PTPRD: variants seen among roughly 807,000 people sequenced by gnomAD.
PTPRD encodes the protein receptor-type tyrosine-protein phosphatase delta.
Under a neutral mutation model 214.5 loss-of-function variants are expected in PTPRD, and 34 were observed. The ratio of observed to expected loss-of-function variants is 0.16; its 90% CI spans 0.12 to 0.21. The LOEUF is 0.21. PTPRD is among the 10% of genes least tolerant of loss of function. The pLI is 1.00. For synonymous variants in PTPRD, 1,128 were observed against 845.7 expected, an observed-to-expected ratio of 1.33 and a Z score of -5.79; for missense variants, 2,545 against 2,398.7, an observed-to-expected ratio of 1.06 and a Z score of -1.27.
intron 32 of PTPRD, among the ~76,000 whole-genome samples, chr9:8,463,105 T>G (rs2096458811): frequency 6.6e-6 from 1 of 151,772 alleles, no homozygotes; most frequent in African/African-American, 2.4e-5. Context: ...AAATTTAGTT[T>G]ATGGCATCTA....
rs536709943 is a variant in PTPRD, at chr9:9,734,524, A to T, written c.-287+9T>A. Reference sequence around the variant, plus strand: ...AAGACTGAGAGTCCCAAAGAAAAAAATATCTCACCAGATTTTTGAAGTTAC... The same window carrying T: ...AAGACTGAGAGTCCCAAAGAAAAAATTATCTCACCAGATTTTTGAAGTTAC... On this transcript the variant is annotated intron_variant, in intron 7 of 45. Transcript: ENST00000381196. The T allele has an allele frequency of 3.3e-5, 5 of 152,250 alleles. No individual in the cohort carries two copies. Among genetic ancestry groups the T allele is most frequent in the African/African-American group, 1.2e-4 (5 of 41,584 alleles). The allele number at this position is 152,250 out of a possible 1,614,324, so 9.4% of individuals were successfully genotyped here. A position where few individuals can be genotyped will look rare whatever the true frequency, so the allele number is the denominator to read the frequency against.
intron 2 of PTPRD, among the ~76,000 whole-genome samples, chr9:10,388,524 A>G (rs2097974950): frequency 6.6e-6 from 1 of 151,404 alleles, no homozygotes; most frequent in South Asian, 2.1e-4. Context: ...GATCTTACTA[A>G]TCAGTACAAC....
chr9:9,522,602 G>C (rs1223672189), intron 8 of PTPRD, among the ~76,000 whole-genome samples: 1 of 151,908 alleles, frequency 6.6e-6, no homozygotes, highest in South Asian at 2.1e-4. Flanking sequence ...TGAGAAACAA[G>C]AAAGAAAAAA....
chr9:10,467,447 G>A (rs879542902), intron 2 of PTPRD, among the ~76,000 whole-genome samples: 4 of 152,062 alleles, frequency 2.6e-5, no homozygotes, highest in Admixed American at 2.0e-4. Context: ...TACTACACAT[G>A]CACTGCACCC....
chr9:8,480,190 A>G (rs1172192899), intron 30 of PTPRD, among the ~76,000 whole-genome samples: 2 of 152,212 alleles, frequency 1.3e-5, no homozygotes, highest in Admixed American at 6.5e-5. Context: ...AGACAAGTAC[A>G]ACGTGGCCAA....
chr9:8,382,520 T>C (rs2085430699), intron 37 of PTPRD, among the ~76,000 whole-genome samples: 1 of 152,150 alleles, frequency 6.6e-6, no homozygotes, highest in African/African-American at 2.4e-5. Flanking sequence ...CCTTTCTAAG[T>C]AGAGCAGGTG....
intron 3 of PTPRD, among the ~76,000 whole-genome samples, chr9:10,174,103 A>G (rs533205422): frequency 3.2e-3 from 490 of 152,248 alleles, no homozygotes; most frequent in African/African-American, 0.011. Context: ...AATGTGGTAG[A>G]GGTGAGGGTT....
intron 2 of PTPRD, among the ~76,000 whole-genome samples, chr9:10,547,123 T>A (rs78416990): frequency 6.6e-5 from 10 of 152,194 alleles, no homozygotes; most frequent in African/African-American, 2.2e-4. Flanking sequence ...AGTCAACCTA[T>A]AACATACCTC....
intron 34 of PTPRD, among the ~76,000 whole-genome samples, 195 bp downstream of exon 34, chr9:8,449,530 C>T (rs1469344454): frequency 6.6e-6 from 1 of 152,146 alleles, no homozygotes; most frequent in Non-Finnish European, 1.5e-5. Context: ...TCTTCCCTAC[C>T]CAATTTCCGG....
At chr9:10,478,480 A>C (rs2099077224) in intron 2 of PTPRD, among the ~76,000 whole-genome samples, 1 of 151,844 alleles carries the variant, frequency 6.6e-6, no homozygotes, top group Non-Finnish European at 1.5e-5. Context: ...CTTTAATTAG[A>C]CTCCTGCCTA....
At chr9:10,561,571 T>C (rs1307359316) in intron 2 of PTPRD, among the ~76,000 whole-genome samples, 1 of 152,146 alleles carries the variant, frequency 6.6e-6, no homozygotes, top group South Asian at 2.1e-4. Flanking sequence ...ACAGATTCAA[T>C]AGAGACCAAA....
intron 2 of PTPRD, among the ~76,000 whole-genome samples, chr9:10,569,561 C>G (rs1240070051): frequency 1.3e-5 from 2 of 150,570 alleles, no homozygotes; most frequent in Non-Finnish European, 3.0e-5. Flanking sequence ...AGGCTTTTTA[C>G]CTCCATTGAG....
intron 2 of PTPRD, among the ~76,000 whole-genome samples, chr9:10,381,690 T>C (rs1395613732): frequency 6.6e-6 from 1 of 151,992 alleles, no homozygotes; most frequent in Non-Finnish European, 1.5e-5. Flanking sequence ...GAAACTAGGA[T>C]GTAGTTTACC....
intron 4 of PTPRD, among the ~76,000 whole-genome samples, chr9:9,969,515 A>G (rs1353264328): frequency 6.6e-6 from 1 of 152,214 alleles, no homozygotes; most frequent in Non-Finnish European, 1.5e-5. Flanking sequence ...TGGAGTTTCA[A>G]GTCTTGGAAG....
chr9:10,515,968 C>A (rs1489277712), intron 2 of PTPRD, among the ~76,000 whole-genome samples: 1 of 151,822 alleles, frequency 6.6e-6, no homozygotes, highest in Non-Finnish European at 1.5e-5. Context: ...TTTTACTCAT[C>A]CATTCATCTG....
At chr9:10,418,450 C>CACACAT (rs2154514828) in intron 2 of PTPRD, among the ~76,000 whole-genome samples, 1 of 57,424 alleles carries the variant, frequency 1.7e-5, no homozygotes, top group East Asian at 1.3e-3. Flanking sequence ...CCCCTCTACA[C>CACACAT]ACACACACAC....
At chr9:9,986,839 G>C (rs988858180) in intron 4 of PTPRD, among the ~76,000 whole-genome samples, 1 of 152,002 alleles carries the variant, frequency 6.6e-6, no homozygotes, top group Admixed American at 6.5e-5. Context: ...ACTGTACAAT[G>C]GGCATATAGT....
intron 14 of PTPRD, among the ~76,000 whole-genome samples, chr9:8,597,570 C>T (rs1471561763): frequency 6.6e-6 from 1 of 151,932 alleles, no homozygotes; most frequent in Non-Finnish European, 1.5e-5. Context: ...AAGGAAAGAT[C>T]AAATAAAAAA....
At chr9:9,690,216 A>T (rs1413278993) in intron 7 of PTPRD, among the ~76,000 whole-genome samples, 1 of 151,722 alleles carries the variant, frequency 6.6e-6, no homozygotes, top group Non-Finnish European at 1.5e-5. Flanking sequence ...TGTAGTTTTG[A>T]TTTGTATTTC....
Sources: gnomAD v4.1 joint callset for allele counts (sites outside exome capture counted in the v4.1 genomes callset) on GRCh38, gnomAD v4.1.1 for gene constraint, MANE v1.5 for transcripts, NCBI Gene and HGNC (gene_info 2026-07-23, HGNC 2026-07-21) for gene names.